Variants in ASPSCR1 observed in about 807,000 individuals in gnomAD.
The protein encoded by ASPSCR1 is tether containing UBX domain for GLUT4.
In ASPSCR1, 55 loss-of-function variants were observed where a neutral mutation model predicts 68.9. The ratio of observed to expected loss-of-function variants is 0.80; its 90% CI spans 0.64 to 1.00. The LOEUF (loss-of-function observed/expected upper bound fraction) is 1.00. Among genes scored for constraint, ASPSCR1 ranks in the 50% least tolerant of loss-of-function variants. The pLI is 0.00. For missense variants in ASPSCR1, 765 were observed against 762.2 expected, an observed-to-expected ratio of 1.00 and a Z score of -0.04; for synonymous variants, 352 against 332.6, an observed-to-expected ratio of 1.06 and a Z score of -0.63.
Position 81,978,757 on chromosome 17 carries a change from G to C in ASPSCR1, c.103-427G>C, listed in dbSNP as rs569082539. ...CCCTTGGTGCAAGGCCACGGCTTTG[G>C]CTTTTTATGGAGAAGAGGGGCGGAG... is the stretch of plus-strand genomic sequence containing the variant. On this transcript the variant is annotated intron_variant, in intron 1 of 15. Transcript: ENST00000306739. 3.0e-5 allele frequency: 7 copies of C among 236,844 alleles called. No individual in the cohort carries two copies. In the East Asian group the frequency reaches 9.2e-4, roughly 31 times the overall value. 14.7% of individuals were successfully genotyped at this position (236,844 alleles called of 1,614,324 possible).
chr17:81,984,018 C>T (rs1288490249), intron 3 of ASPSCR1, among the ~76,000 whole-genome samples: 2 of 152,010 alleles, frequency 1.3e-5, no homozygotes, highest in East Asian at 3.9e-4. Flanking sequence ...CCACACCCGG[C>T]TAATTTTTGT....
chr17:81,996,967 C>T lies in ASPSCR1; in HGVS notation c.933+121C>T, dbSNP rs367883577. 303 of 1,497,642 alleles carry T rather than the reference C, an allele frequency of 2.0e-4. 3 individuals carry two copies. In the African/African-American group the frequency reaches 3.6e-3, roughly 18 times the overall value. The allele number at this position is 1,497,642 out of a possible 1,614,324, so 92.8% of individuals were successfully genotyped here. ...TGATGCGGGCAGAGGAACCCAAACGCGCAGAGGAACCCAAACGCGGGGCTC... is the reference window on the plus strand; with the variant it reads ...TGATGCGGGCAGAGGAACCCAAACGTGCAGAGGAACCCAAACGCGGGGCTC... On this transcript the variant is annotated intron_variant, in intron 7 of 15. Transcript: ENST00000306739.
At chr17:82,001,299 C>G (rs1190751700) in intron 7 of ASPSCR1, among the ~76,000 whole-genome samples, 1 of 152,168 alleles carries the variant, frequency 6.6e-6, no homozygotes, top group African/African-American at 2.4e-5. Flanking sequence ...GACCCTGACG[C>G]CGGGCTAGAC....
At chr17:81,980,932 G>A (rs1179700768) in intron 2 of ASPSCR1, among the ~76,000 whole-genome samples, 3 of 152,164 alleles carry the variant, frequency 2.0e-5, no homozygotes, top group South Asian at 2.1e-4. Flanking sequence ...TTGGGTGCCC[G>A]AGGCGGAGGA....
Position 81,996,557 on chromosome 17 carries a change from C to A in ASPSCR1, c.644C>A (p.Pro215Gln). The A allele has an allele frequency of 6.2e-7, 1 of 1,612,856 alleles. No individual in the cohort carries two copies. The highest frequency in any genetic ancestry group is 8.5e-7 in the Non-Finnish European group (1 of 1,179,580). ...GELSRGDLSR[P>Q]EDADTSGPCC... is the part of the protein sequence containing the mutation. ...CTCAGCCGCGGCGACTTGAGCCGTC[C>A]GGAGGACGCGGACACCTCAGGGCCC... Residue 215 changes from proline (P) to glutamine (Q), a missense_variant, in exon 7 of 16, where the codon CCG becomes CAG. Coordinates refer to ENST00000306739, the MANE Select transcript of ASPSCR1 (RefSeq NM_024083.4).
At chr17:81,989,561 G>C (rs538125309) in intron 4 of ASPSCR1, among the ~76,000 whole-genome samples, 81 of 152,304 alleles carry the variant, frequency 5.3e-4, no homozygotes, top group African/African-American at 1.8e-3. Flanking sequence ...GCTGTGCTTC[G>C]AAGGGGCGTT....
At chr17:81,981,625 C>T (rs1365010968) in intron 2 of ASPSCR1, among the ~76,000 whole-genome samples, 1 of 152,032 alleles carries the variant, frequency 6.6e-6, no homozygotes, top group Non-Finnish European at 1.5e-5. Flanking sequence ...GTGATCTGCC[C>T]GCCTTGGTCT....
intron 7 of ASPSCR1, among the ~76,000 whole-genome samples, chr17:82,000,496 G>A (rs1421381213): frequency 6.6e-6 from 1 of 152,184 alleles, no homozygotes; most frequent in Non-Finnish European, 1.5e-5. Context: ...ACATGCCGCT[G>A]CTGGGTCCCT....
At chr17:81,981,190 C>T (rs914013192) in intron 2 of ASPSCR1, among the ~76,000 whole-genome samples, 1 of 151,982 alleles carries the variant, frequency 6.6e-6, no homozygotes, top group South Asian at 2.1e-4. Flanking sequence ...ATGTCAGATA[C>T]CAGCCCAGGG....
At chr17:82,013,336 C>T (rs1381972032) in intron 12 of ASPSCR1, 1 of 152,280 alleles carries the variant, frequency 6.6e-6, no homozygotes, top group Non-Finnish European at 1.5e-5. Context: ...GCAGCCCACC[C>T]TCCCGCTGGG....
rs548793936 is a variant in ASPSCR1, at chr17:82,003,165, G to T, written c.934-5872G>T. 6.6e-5 allele frequency among the ~76,000 whole-genome samples: 10 copies of T among 152,346 alleles called. No homozygotes were observed. In the East Asian group the frequency reaches 1.5e-3, roughly 24 times the overall value. On this transcript the variant is annotated intron_variant, in intron 7 of 15. Transcript: ENST00000306739. Reference sequence around the variant, plus strand: ...GCCCAGCCTAAAATAACTTTTCTTGGCTGGGTACAGTGGCTCGCACCTATA... The same window carrying T: ...GCCCAGCCTAAAATAACTTTTCTTGTCTGGGTACAGTGGCTCGCACCTATA...
At position 82,010,822 on chromosome 17, in the gene ASPSCR1, C is replaced by G; in HGVS notation, c.1191C>G (p.Phe397Leu). ...RYPKVALRVL[F>L]PDRYVLQGFF... is the part of the protein sequence containing the mutation. ...CCTAGGTGGCTCTGAGGGTCCTGTT[C>G]CCCGACCGCTACGTCCTACAGGGCT... The change falls in exon 10 of 16, where the codon TTC (phenylalanine) becomes TTG (leucine). Residue 397 changes from phenylalanine (F) to leucine (L), a missense_variant. Phe to Leu is a conservative substitution (Grantham distance 22, BLOSUM62 0). Coordinates refer to ENST00000306739, the MANE Select transcript of ASPSCR1 (RefSeq NM_024083.4). 1 of 1,613,220 alleles carries G rather than the reference C, an allele frequency of 6.2e-7. No homozygotes were observed. The highest frequency in any genetic ancestry group is 8.5e-7 in the Non-Finnish European group (1 of 1,179,908).
At position 81,999,361 on chromosome 17, in the gene ASPSCR1, T is replaced by C. The variant is rs1239802327; in HGVS notation, c.933+2515T>C. Among the ~76,000 whole-genome samples, 2 of 152,184 alleles carry C rather than the reference T, an allele frequency of 1.3e-5. No individual in the cohort carries two copies. Among genetic ancestry groups the C allele is most frequent in the Admixed American group, 1.3e-4 (2 of 15,270 alleles). ...GTGTCTGGGCCTGTGGCATGGTGGCTCACACCTGTAATCCCAGCAGTTTGG... is the reference window on the plus strand; with the variant it reads ...GTGTCTGGGCCTGTGGCATGGTGGCCCACACCTGTAATCCCAGCAGTTTGG... On this transcript the variant is annotated intron_variant, in intron 7 of 15. Coordinates refer to ENST00000306739, the MANE Select transcript of ASPSCR1 (RefSeq NM_024083.4). The surrounding 1 kb of genome is among the most constrained non-coding windows in gnomAD (Gnocchi z 4.4).
chr17:81,996,056 C>T lies in ASPSCR1; in HGVS notation c.497C>T (p.Ala166Val). ...TCGCTGGGCCTGACCGGGGGCAGCG[C>T]CACCATCAGGTAAGGGCAGTGCTGC... Reference protein sequence around the residue: ...LQSLGLTGGSATIRFVMKCYD... With the variant: ...LQSLGLTGGSVTIRFVMKCYD... Residue 166 changes from alanine to valine, a missense_variant, in exon 6 of 16, where the codon GCC (alanine) becomes GTC (valine). Ala to Val is a moderately conservative substitution (Grantham distance 64). Coordinates refer to ENST00000306739, the MANE Select transcript of ASPSCR1 (RefSeq NM_024083.4). The T allele has an allele frequency of 6.2e-7, 1 of 1,608,588 alleles. No individual in the cohort carries two copies. Among genetic ancestry groups the T allele is most frequent in the Non-Finnish European group, 8.5e-7 (1 of 1,178,490 alleles).
At chr17:82,000,241 G>C (rs1202771810) in intron 7 of ASPSCR1, among the ~76,000 whole-genome samples, 1 of 152,270 alleles carries the variant, frequency 6.6e-6, no homozygotes, top group Non-Finnish European at 1.5e-5. Flanking sequence ...TGTCTGCAGA[G>C]CGTGGGGCGT....
intron 4 of ASPSCR1, among the ~76,000 whole-genome samples, chr17:81,991,332 G>T (rs2042154793): frequency 6.6e-6 from 1 of 152,202 alleles, no homozygotes; most frequent in South Asian, 2.1e-4. Flanking sequence ...AGTGCTTGGG[G>T]GCTGGCTGAG....
chr17:81,991,565 G>A (rs1245125638), intron 4 of ASPSCR1, among the ~76,000 whole-genome samples: 6 of 151,970 alleles, frequency 3.9e-5, no homozygotes, highest in Non-Finnish European at 8.8e-5. Flanking sequence ...ATCCCTGCCC[G>A]TCCCTGTTCA....
chr17:82,015,202 T>G (rs779195074), intron 12 of ASPSCR1: 9 of 1,598,268 alleles, frequency 5.6e-6, no homozygotes, highest in Middle Eastern at 3.3e-4. Flanking sequence ...GGGAGGCTTC[T>G]TTTTTGGGGT....
chr17:81,996,960 C>T, intron 7 of ASPSCR1, 114 bp downstream of exon 7: 3 of 1,502,460 alleles, frequency 2.0e-6, no homozygotes, highest in Non-Finnish European at 2.7e-6. Flanking sequence ...GCAGAGGAAC[C>T]CAAACGCGCA....
Sources: gnomAD v4.1 joint callset for allele counts (sites outside exome capture counted in the v4.1 genomes callset) on GRCh38, gnomAD v4.1.1 for gene constraint, Gnocchi (gnomAD v3.1) non-coding constraint, MANE v1.5 for transcripts, NCBI Gene and HGNC (gene_info 2026-07-23, HGNC 2026-07-21) for gene names.